The following RMDN2 variants were observed in gnomAD, a reference collection of about 807,000 sequenced individuals.
RMDN2 encodes regulator of microtubule dynamics protein 2.
Under a neutral mutation model 52.8 loss-of-function variants are expected in RMDN2, and 61 were observed. That is an observed-to-expected ratio of 1.16 (90% CI 0.94 to 1.43). The LOEUF (loss-of-function observed/expected upper bound fraction) is 1.43, where lower values mean the gene tolerates loss of function less well. Among genes scored for constraint, RMDN2 ranks in the 40% most tolerant of loss-of-function variants. The pLI is 0.00. For synonymous variants in RMDN2, 180 were observed against 153.1 expected (o/e 1.18, Z -1.30); for missense variants, 592 against 475.3 (o/e 1.25, Z -2.28).
In RMDN2 at chr2:37,932,518, C is replaced by G. The variant is rs1277675577; in HGVS notation, c.452+2789C>G. ...TCTCAATCTTTTCCCCACCTTTCCC[C>G]CCTTTCTATTCCACAAAACCGCCAT... is the stretch of plus-strand genomic sequence containing the variant. On this transcript the variant is annotated intron_variant, in intron 2 of 10. Coordinates refer to ENST00000354545, the MANE Select transcript of RMDN2 (RefSeq NM_001170791.3). Among the ~76,000 whole-genome samples the G allele has an allele frequency of 2.6e-5, 4 of 151,298 alleles. No homozygotes were observed. In the South Asian group the frequency reaches 6.3e-4, roughly 24 times the overall value.
intron 2 of RMDN2, among the ~76,000 whole-genome samples, chr2:37,940,262 G>A (rs750352199): frequency 6.6e-6 from 1 of 152,202 alleles, no homozygotes. Flanking sequence ...CTGTTAGTCT[G>A]CTGGGCTTCC....
chr2:37,968,167 A>G lies in RMDN2; in HGVS notation c.453-5873A>G, dbSNP rs141269168. ...TAGGTGCAATGGGTCAAGGCCAAGC[A>G]TGGTGGCTCATGCCTGTAATCCCAG... is the stretch of plus-strand genomic sequence containing the variant. On this transcript the variant is annotated intron_variant, in intron 2 of 10. Transcript: ENST00000354545. 6.7e-3 allele frequency among the ~76,000 whole-genome samples: 1,022 copies of G among 152,256 alleles called. 6 individuals are homozygous for G. Among genetic ancestry groups the G allele is most frequent in the African/African-American group, 0.023 (966 of 41,546 alleles).
intron 10 of RMDN2, among the ~76,000 whole-genome samples, chr2:38,009,277 C>T (rs1290533935): frequency 6.6e-6 from 1 of 152,196 alleles, no homozygotes; most frequent in East Asian, 1.9e-4. Flanking sequence ...GGAAGTTCTC[C>T]TGGATGATAT....
chr2:38,027,542 A>G (rs1679870795), intron 10 of RMDN2, among the ~76,000 whole-genome samples: 1 of 152,242 alleles, frequency 6.6e-6, no homozygotes, highest in Non-Finnish European at 1.5e-5. Flanking sequence ...AGTTTTTATA[A>G]TGTTTCAAAT....
At chr2:37,963,116 G>T (rs1057218434) in intron 2 of RMDN2, 1 of 152,404 alleles carries the variant, frequency 6.6e-6, no homozygotes, top group African/African-American at 2.4e-5. Flanking sequence ...GGTCTCGCTG[G>T]GAGCTGCAGA....
rs554301502 is a variant in RMDN2 at position 38,054,841 on chromosome 2, A to T, written c.1714-12141A>T. Among the ~76,000 whole-genome samples the T allele has an allele frequency of 2.2e-4, 33 of 152,250 alleles. No homozygotes were observed. In the South Asian group the frequency reaches 6.8e-3, roughly 32 times the overall value. On this transcript the variant is annotated intron_variant, in intron 10 of 10. Coordinates refer to the RMDN2 transcript ENST00000234195. ...CTGGACCATCCCTCTTCAAGCCCAC[A>T]CTTAATATAGAATACAGCACAGGAC...
At chr2:38,028,237 C>G (rs1235687078) in intron 10 of RMDN2, 1 of 152,058 alleles carries the variant, frequency 6.6e-6, no homozygotes. Flanking sequence ...ATGAAAGTGA[C>G]TATTTATTTA....
chr2:37,941,652 G>C (rs1302811823), intron 2 of RMDN2, among the ~76,000 whole-genome samples: 1 of 152,142 alleles, frequency 6.6e-6, no homozygotes, highest in African/African-American at 2.4e-5. Flanking sequence ...GCTGCGGTGG[G>C]CTCCACTCAG....
intron 5 of RMDN2, among the ~76,000 whole-genome samples, chr2:37,987,245 A>C (rs764372086): frequency 6.6e-6 from 1 of 151,104 alleles, no homozygotes; most frequent in Non-Finnish European, 1.5e-5. Flanking sequence ...AAATACATAG[A>C]TGAAAATGAA....
At chr2:37,977,670 C>T (rs1672697808) in intron 4 of RMDN2, among the ~76,000 whole-genome samples, 2 of 152,060 alleles carry the variant, frequency 1.3e-5, no homozygotes, top group African/African-American at 4.8e-5. Context: ...AGACACTCCT[C>T]AATTCCCAGA....
chr2:37,959,312 T>C (rs1200994685), intron 2 of RMDN2, among the ~76,000 whole-genome samples: 1 of 150,982 alleles, frequency 6.6e-6, no homozygotes, highest in Non-Finnish European at 1.5e-5. Context: ...GGCTATTAAT[T>C]ACTGCCTCAA....
chr2:37,952,254 C>G, intron 2 of RMDN2: 3 of 1,552,672 alleles, frequency 1.9e-6, no homozygotes, highest in Non-Finnish European at 2.6e-6. Flanking sequence ...AGTTTTCCCA[C>G]CAGTCACTTT....
chr2:37,924,905 G>A (rs76582738), upstream of RMDN2, among the ~76,000 whole-genome samples: 4,986 of 152,310 alleles, frequency 0.033, 277 homozygotes, highest in African/African-American at 0.11. Context: ...CTTTAATTCA[G>A]TCGTGAGGAG....
At chr2:38,028,206 A>G (rs1483652272) in intron 10 of RMDN2, 1 of 152,250 alleles carries the variant, frequency 6.6e-6, no homozygotes, top group Non-Finnish European at 1.5e-5. Context: ...AGAATACAAA[A>G]TTACAAACAC....
intron 1 of RMDN2, among the ~76,000 whole-genome samples, chr2:37,927,191 G>C (rs1039910586): frequency 6.6e-6 from 1 of 152,078 alleles, no homozygotes; most frequent in South Asian, 2.1e-4. Context: ...TAATATTTCA[G>C]CTTTGAGCAT....
chr2:38,039,093 C>CAGAGAG (rs149752868), intron 10 of RMDN2, among the ~76,000 whole-genome samples: 16 of 91,690 alleles, frequency 1.7e-4, no homozygotes, highest in African/African-American at 4.9e-4. Context: ...CACACACACA[C>CAGAGAG]AGAGAGAGAG....
At chr2:38,012,658 G>C in intron 10 of RMDN2, 2 of 452,898 alleles carry the variant, frequency 4.4e-6, no homozygotes, top group South Asian at 3.3e-5. Flanking sequence ...AGGTATGTAA[G>C]GTATATTTCC....
chr2:38,039,912 C>T (rs943544882), intron 10 of RMDN2, among the ~76,000 whole-genome samples: 7 of 152,146 alleles, frequency 4.6e-5, no homozygotes, highest in Non-Finnish European at 4.4e-5. Context: ...CTTCCTACTA[C>T]TTTTTAGCAT....
At chr2:37,929,766 T>G in intron 2 of RMDN2, 37 bp downstream of exon 2, 1 of 1,286,120 alleles carries the variant, frequency 7.8e-7, no homozygotes, top group Non-Finnish European at 1.1e-6. Flanking sequence ...GTTGAATTGG[T>G]TATTATCATT....
Sources: gnomAD v4.1 joint callset for allele counts (sites outside exome capture counted in the v4.1 genomes callset) on GRCh38, gnomAD v4.1.1 for gene constraint, MANE v1.5 for transcripts, NCBI Gene and HGNC (gene_info 2026-07-23, HGNC 2026-07-21) for gene names.